The following ANO4 variants were observed in gnomAD, a reference collection of about 807,000 sequenced individuals.
ANO4 encodes the protein anoctamin-4.
In ANO4, 69 loss-of-function variants were observed where a neutral mutation model predicts 141.9. The ratio of observed to expected loss-of-function variants is 0.49; its 90% confidence interval spans 0.40 to 0.59. ANO4 has a LOEUF of 0.59. ANO4 is among the 20% of genes least tolerant of loss of function. The probability of loss-of-function intolerance (pLI) is 0.00; values close to 1 mark genes in which losing one functional copy is unlikely to be tolerated. For missense variants in ANO4, 894 were observed against 1,162.2 expected (o/e 0.77, Z 3.36); for synonymous variants, 350 against 394.3 (o/e 0.89, Z 1.33).
chr12:101,119,949 A>T (rs970957879), intron 25 of ANO4, among the ~76,000 whole-genome samples: 4 of 152,178 alleles, frequency 2.6e-5, no homozygotes, highest in Non-Finnish European at 5.9e-5. Context: ...TGGAGGATAC[A>T]TTAGGAAGGA....
intron 8 of ANO4, among the ~76,000 whole-genome samples, chr12:101,007,562 G>A (rs1316128994): frequency 1.3e-5 from 2 of 152,118 alleles, no homozygotes; most frequent in Non-Finnish European, 1.5e-5. Context: ...CAAACAGTTA[G>A]TGCTTGGCAG....
chr12:101,055,262 A>G (rs1385872281), intron 14 of ANO4, among the ~76,000 whole-genome samples: 1 of 152,250 alleles, frequency 6.6e-6, no homozygotes, highest in African/African-American at 2.4e-5. Flanking sequence ...ATTGTTTCCC[A>G]AAGTGGCCAT....
chr12:100,757,206 T>C (rs952464), intron 3 of ANO4, among the ~76,000 whole-genome samples: 46,156 of 152,068 alleles, frequency 0.3, 8,080 homozygotes, highest in African/African-American at 0.48. Flanking sequence ...GTAAGCCTGT[T>C]GAGTCTATCT....
intron 5 of ANO4, among the ~76,000 whole-genome samples, chr12:100,959,408 C>T (rs2043309727): frequency 6.6e-6 from 1 of 152,176 alleles, no homozygotes; most frequent in East Asian, 1.9e-4. Flanking sequence ...AATCTCTTGA[C>T]CCCTATACTC....
intron 2 of ANO4, 56 bp downstream of exon 2, chr12:100,901,896 C>A: frequency 2.1e-6 from 3 of 1,435,154 alleles, no homozygotes; most frequent in South Asian, 2.7e-5. Flanking sequence ...TGACCACAGT[C>A]TGCATTATAT....
Position 100,758,371 on chromosome 12 carries a change from C to T in ANO4, c.358+18266C>T, listed in dbSNP as rs1361030787. On this transcript the variant is annotated intron_variant, in intron 3 of 29. Coordinates refer to the ANO4 transcript ENST00000644049. ...TACCAGATGACACTCCAATCTTCCT[C>T]AAAGGCACAAGTGCAAGTGGAGTGA... is the stretch of plus-strand genomic sequence containing the variant. Among the ~76,000 whole-genome samples, 5 of 152,274 alleles carry T rather than the reference C, an allele frequency of 3.3e-5. No homozygotes were observed. The East Asian group carries it at 5.8e-4, about 18-fold the overall frequency.
intron 14 of ANO4, among the ~76,000 whole-genome samples, chr12:101,078,345 G>GTGTGTGTGTCTGTATGCA (rs1175132261): frequency 3.2e-5 from 1 of 31,382 alleles, no homozygotes; most frequent in African/African-American, 3.3e-4. Context: ...CTGTATGCAT[G>GTGTGTGTGTCTGTATGCA]TGTGTGTGTG....
intron 3 of ANO4, among the ~76,000 whole-genome samples, chr12:100,769,304 A>T (rs1282870012): frequency 6.6e-6 from 1 of 152,242 alleles, no homozygotes; most frequent in Non-Finnish European, 1.5e-5. Context: ...CCTGAAATTG[A>T]TCCGAACTCT....
chr12:100,794,160 C>T (rs1285545504), upstream of ANO4, among the ~76,000 whole-genome samples: 1 of 152,120 alleles, frequency 6.6e-6, no homozygotes, highest in Non-Finnish European at 1.5e-5. Context: ...TTAAATTTTT[C>T]ACTTCTGAAA....
intron 1 of ANO4, among the ~76,000 whole-genome samples, chr12:100,897,261 C>T (rs940068826): frequency 2.6e-5 from 4 of 152,214 alleles, no homozygotes; most frequent in African/African-American, 9.6e-5. Flanking sequence ...TGGACCCCAT[C>T]TTCTCAGCTG....
intron 8 of ANO4, among the ~76,000 whole-genome samples, chr12:101,017,146 T>C (rs2046346595): frequency 6.6e-6 from 1 of 152,224 alleles, no homozygotes. Flanking sequence ...GGAGGTTTAA[T>C]GGACTCACAG....
At chr12:100,921,030 G>A (rs932199854) in intron 2 of ANO4, among the ~76,000 whole-genome samples, 3 of 152,076 alleles carry the variant, frequency 2.0e-5, no homozygotes, top group Non-Finnish European at 4.4e-5. Flanking sequence ...TTCAACGTTG[G>A]TCTCTCAGAC....
rs1418280106 is a variant in ANO4, at chr12:101,110,447, C to T, written c.2193C>T (p.Pro731=). 9 of 1,609,712 alleles carry T rather than the reference C, an allele frequency of 5.6e-6. No homozygotes were observed. The highest frequency in any genetic ancestry group is 7.6e-6 in the Non-Finnish European group (9 of 1,178,368). The change falls in exon 23 of 28, where the codon CCC becomes CCT. Residue 731 remains proline (P), a synonymous_variant. Transcript: ENST00000392977. The part of the protein sequence containing the change: ...GFTTIFVAAF[P]LAPLLALLNN... Reference sequence around the variant, plus strand: ...CAACTATCTTTGTGGCAGCTTTTCCCCTAGCACCACTTCTGGCCTTACTGA... The same window carrying T: ...CAACTATCTTTGTGGCAGCTTTTCCTCTAGCACCACTTCTGGCCTTACTGA...
chr12:101,042,439 C>A lies in ANO4; in HGVS notation c.1125C>A (p.Gly375=). The change falls in exon 12 of 28, where the codon GGC becomes GGA. Residue 375 remains glycine, a synonymous_variant. Coordinates refer to ENST00000392977, the MANE Select transcript of ANO4 (RefSeq NM_001286615.2). ...AFIGLFVFLY[G]VTTLDHSQVS... ...TTGGATTGTTTGTCTTTTTGTATGG[C>A]GTCACCACTCTGGATCACAGCCAAG... 6.2e-7 allele frequency: 1 copy of A among 1,614,062 alleles called. No individual in the cohort carries two copies. Among genetic ancestry groups the A allele is most frequent in the Non-Finnish European group, 8.5e-7 (1 of 1,179,992 alleles).
At chr12:100,998,742 G>A (rs568769378) in intron 8 of ANO4, among the ~76,000 whole-genome samples, 2 of 152,274 alleles carry the variant, frequency 1.3e-5, no homozygotes, top group East Asian at 3.9e-4. Flanking sequence ...TCTCACACTA[G>A]CCAGCTATGG....
intron 9 of ANO4, among the ~76,000 whole-genome samples, chr12:101,021,401 C>G (rs1344088978): frequency 6.6e-6 from 1 of 152,122 alleles, no homozygotes; most frequent in East Asian, 1.9e-4. Flanking sequence ...GAAGAGAAAC[C>G]CCTTCCTCCT....
intron 5 of ANO4, among the ~76,000 whole-genome samples, chr12:100,957,450 A>G (rs1002461287): frequency 1.3e-5 from 2 of 152,200 alleles, no homozygotes; most frequent in African/African-American, 4.8e-5. Context: ...TGGGGGTGAC[A>G]TTTCAACATG....
intron 1 of ANO4, among the ~76,000 whole-genome samples, chr12:100,877,527 A>T (rs2135946027): frequency 6.6e-6 from 1 of 150,486 alleles, no homozygotes; most frequent in East Asian, 2.0e-4. Flanking sequence ...TTCTTAATGG[A>T]ATATGAGGTG....
In ANO4 at chr12:100,912,417, G is replaced by GAAAAGAA. The variant is rs375916503; in HGVS notation, c.56-9805_56-9804insGAAAAAA. ...CAAAAAAAAAAAAAAAAAGAAAAAA[G>GAAAAGAA]AAAAAAAAAAAAAAGCTGAAGCAGG... On this transcript the variant is annotated intron_variant, in intron 2 of 27. Transcript: ENST00000392977. Among the ~76,000 whole-genome samples, 580 of 121,002 alleles carry GAAAAGAA rather than the reference G, an allele frequency of 4.8e-3. 5 individuals are homozygous for GAAAAGAA. Among genetic ancestry groups the GAAAAGAA allele is most frequent in the Middle Eastern group, 0.014 (3 of 218 alleles). 79.4% of individuals were successfully genotyped at this position (121,002 alleles called of 152,430 possible). A position where few individuals can be genotyped will look rare whatever the true frequency, so the allele number is the denominator to read the frequency against.
Sources: allele counts gnomAD v4.1 joint callset (sites outside exome capture counted in the v4.1 genomes callset), GRCh38; gene constraint gnomAD v4.1.1; transcripts MANE v1.5; gene names NCBI Gene and HGNC (gene_info 2026-07-23, HGNC 2026-07-21).